The following PDZRN3 variants were observed in gnomAD, a reference collection of about 807,000 sequenced individuals.
The protein encoded by PDZRN3 is E3 ubiquitin-protein ligase PDZRN3.
PDZRN3 carries 38 observed loss-of-function variants against 85.7 expected under a neutral mutation model. The ratio of observed to expected loss-of-function variants is 0.44; its 90% CI spans 0.34 to 0.58. The LOEUF is 0.58. PDZRN3 is among the 20% of genes least tolerant of loss of function. The pLI is 0.01. For synonymous variants in PDZRN3, 759 were observed against 638.0 expected, an observed-to-expected ratio of 1.19 and a Z score of -2.86; for missense variants, 1,629 against 1,506.4, an observed-to-expected ratio of 1.08 and a Z score of -1.35.
chr3:73,594,364 GAA>G (rs147737454), intron 3 of PDZRN3, among the ~76,000 whole-genome samples: 15,058 of 152,130 alleles, frequency 0.099, 948 homozygotes, highest in Admixed American at 0.15. Context: ...ACAGATCTCA[GAA>G]AAGTTTTTGT....
intron 1 of PDZRN3, among the ~76,000 whole-genome samples, chr3:73,614,877 T>G (rs532229893): frequency 6.6e-6 from 1 of 152,296 alleles, no homozygotes; most frequent in Admixed American, 6.5e-5. Flanking sequence ...CCCTGCCTTG[T>G]AATTCAACCC....
intron 3 of PDZRN3, among the ~76,000 whole-genome samples, chr3:73,600,337 A>ACTCTCTCTCTCTCTCTCTCTCTCT (rs1553706426): frequency 1.0e-5 from 1 of 100,072 alleles, no homozygotes; most frequent in East Asian, 3.0e-4. Flanking sequence ...ACACACACAC[A>ACTCTCTCTCTCTCTCTCTCTCTCT]CTCTCTCTCT....
Position 73,471,895 on chromosome 3 carries a change from CTATT to C in PDZRN3, c.919-67504_919-67501del, listed in dbSNP as rs534715208. 5.9e-4 allele frequency among the ~76,000 whole-genome samples: 90 copies of C among 152,296 alleles called. 1 individual carries two copies. The highest frequency in any genetic ancestry group is 1.9e-3 in the African/African-American group (81 of 41,546). On this transcript the variant is annotated intron_variant, in intron 3 of 9. Transcript: ENST00000263666. ...AATGGGTCCAGGACAAAAAGGAAGA[CTATT>C]TAGTAATCACTGAAACACAAGCGGC... is the stretch of plus-strand genomic sequence containing the variant.
chr3:73,395,396 C>T (rs1346267634), intron 5 of PDZRN3, among the ~76,000 whole-genome samples: 1 of 152,128 alleles, frequency 6.6e-6, no homozygotes, highest in East Asian at 1.9e-4. Context: ...TTACAGCTAC[C>T]CCTGTTACTG....
chr3:73,570,901 C>T (rs1226037798), intron 3 of PDZRN3, among the ~76,000 whole-genome samples: 1 of 152,156 alleles, frequency 6.6e-6, no homozygotes, highest in African/African-American at 2.4e-5. Context: ...CCCTTAACAT[C>T]CTATAAATAC....
intron 3 of PDZRN3, among the ~76,000 whole-genome samples, chr3:73,495,467 AT>A (rs1481820527): frequency 1.3e-5 from 2 of 152,196 alleles, no homozygotes; most frequent in East Asian, 3.8e-4. Flanking sequence ...GCCATCAAAC[AT>A]CATGTATTAT....
intron 3 of PDZRN3, among the ~76,000 whole-genome samples, chr3:73,509,389 C>G (rs1366173842): frequency 6.6e-6 from 1 of 152,190 alleles, no homozygotes; most frequent in Non-Finnish European, 1.5e-5. Context: ...GAAATTGGAC[C>G]TCTGTCTGTT....
chr3:73,505,601 C>G (rs897480958), intron 3 of PDZRN3, among the ~76,000 whole-genome samples: 1 of 152,132 alleles, frequency 6.6e-6, no homozygotes, highest in African/African-American at 2.4e-5. Context: ...GCCTTCGAAG[C>G]TTGGAACCTT....
intron 1 of PDZRN3, among the ~76,000 whole-genome samples, chr3:73,621,363 T>G (rs1372879034): frequency 1.3e-5 from 2 of 152,230 alleles, no homozygotes; most frequent in Admixed American, 6.5e-5. Flanking sequence ...GTTTCTAATC[T>G]CCTTCAGCTT....
At chr3:73,558,111 A>G (rs947544998) in intron 3 of PDZRN3, among the ~76,000 whole-genome samples, 1 of 152,066 alleles carries the variant, frequency 6.6e-6, no homozygotes, top group African/African-American at 2.4e-5. Flanking sequence ...TCAAATACAG[A>G]AATTCTGTTG....
chr3:73,539,408 A>T (rs1704862591), intron 3 of PDZRN3, among the ~76,000 whole-genome samples: 1 of 152,186 alleles, frequency 6.6e-6, no homozygotes, highest in African/African-American at 2.4e-5. Flanking sequence ...TCTCAGCAAG[A>T]GGTGGAATCG....
chr3:73,443,473 C>CTTT (rs1640588373), intron 3 of PDZRN3, among the ~76,000 whole-genome samples: 1 of 38,888 alleles, frequency 2.6e-5, no homozygotes, highest in African/African-American at 7.3e-5. Flanking sequence ...ATTTATTTTC[C>CTTT]TTTTTCTTTT....
chr3:73,429,677 G>A (rs1280168362), intron 3 of PDZRN3, among the ~76,000 whole-genome samples: 2 of 152,178 alleles, frequency 1.3e-5, no homozygotes, highest in African/African-American at 4.8e-5. Context: ...CACAGTTAGT[G>A]GTAAAGTTTT....
rs1371976633 is a variant in PDZRN3, at chr3:73,382,659, T to G, written c.*706A>C. 4 of 152,696 alleles carry G rather than the reference T, an allele frequency of 2.6e-5. No homozygotes were observed. The highest frequency in any genetic ancestry group is 3.8e-4 in the East Asian group (2 of 5,196). 9.5% of individuals were successfully genotyped at this position (152,696 alleles called of 1,614,324 possible). On this transcript the variant is annotated 3_prime_UTR_variant, in exon 10 of 10. Transcript: ENST00000263666. ...AAACCGTCTCCATCCACAACTTTCC[T>G]GTACATGCAAATTCTTTCAATGGGC...
At chr3:73,621,030 T>C (rs547792998) in intron 1 of PDZRN3, among the ~76,000 whole-genome samples, 13 of 152,338 alleles carry the variant, frequency 8.5e-5, no homozygotes, top group African/African-American at 2.9e-4. Context: ...AGCGGCTACT[T>C]AAAGGACCAG....
intron 3 of PDZRN3, among the ~76,000 whole-genome samples, chr3:73,573,824 T>TACAC (rs1559744552): frequency 0.061 from 1,025 of 16,836 alleles, 7 homozygotes; most frequent in African/African-American, 0.24. Context: ...TACATATACA[T>TACAC]ATACATATAC....
At chr3:73,521,622 G>A (rs565482422) in intron 3 of PDZRN3, among the ~76,000 whole-genome samples, 24 of 152,238 alleles carry the variant, frequency 1.6e-4, no homozygotes, top group Admixed American at 1.2e-3. Context: ...TGCTGAAGTC[G>A]ATGGCTGCTG....
intron 3 of PDZRN3, among the ~76,000 whole-genome samples, chr3:73,414,836 C>T (rs781647119): frequency 1.7e-4 from 26 of 152,332 alleles, no homozygotes; most frequent in Admixed American, 3.3e-4. Flanking sequence ...AAAAATAATT[C>T]TACATCAGCG....
At chr3:73,573,809 ACC>A (rs750570063) in intron 3 of PDZRN3, among the ~76,000 whole-genome samples, 5,756 of 78,434 alleles carry the variant, frequency 0.073, 130 homozygotes, top group East Asian at 0.12. Context: ...ATACACATAC[ACC>A]TATACATATA....
Sources: allele counts gnomAD v4.1 joint callset (sites outside exome capture counted in the v4.1 genomes callset), GRCh38; gene constraint gnomAD v4.1.1; transcripts MANE v1.5; gene names NCBI Gene and HGNC (gene_info 2026-07-23, HGNC 2026-07-21).